ARHGAP28: variants seen among roughly 807,000 people sequenced by gnomAD.
ARHGAP28 encodes rho GTPase-activating protein 28.
Under a neutral mutation model 90.7 loss-of-function variants are expected in ARHGAP28, and 56 were observed. The observed-to-expected ratio is 0.62, with a 90% CI of 0.50 to 0.77. ARHGAP28 has a LOEUF of 0.77. Among genes scored for constraint, ARHGAP28 ranks in the 30% least tolerant of loss-of-function variants. The pLI is 0.00. For missense variants in ARHGAP28, 869 were observed against 900.9 expected (o/e 0.96, Z 0.45); for synonymous variants, 308 against 323.3 (o/e 0.95, Z 0.51).
At chr18:6,757,079 C>T (rs1416611041) in intron 1 of ARHGAP28, among the ~76,000 whole-genome samples, 4 of 152,174 alleles carry the variant, frequency 2.6e-5, no homozygotes, top group African/African-American at 4.8e-5. Context: ...TTAATATTAA[C>T]CATCACACTT....
At position 6,893,867 on chromosome 18, in the gene ARHGAP28, GTTTTTTTTT is replaced by G. The variant is rs5822929; in HGVS notation, c.1849-959_1849-951del. 6.9e-5 allele frequency among the ~76,000 whole-genome samples: 9 copies of G among 130,814 alleles called. No individual in the cohort carries two copies. In the South Asian group the frequency reaches 2.0e-3, roughly 29 times the overall value. 85.8% of individuals were successfully genotyped at this position (130,814 alleles called of 152,430 possible). A position where few individuals can be genotyped will look rare whatever the true frequency, so the allele number is the denominator to read the frequency against. ...TACTATTGTACTATATTGCTTTTTGGTTTTTTTTTTTTTTTTTGAGATAGAGTCTTGCTC... is the reference window on the plus strand; with the variant it reads ...TACTATTGTACTATATTGCTTTTTGGTTTTTTTTGAGATAGAGTCTTGCTC... On this transcript the variant is annotated intron_variant, in intron 14 of 17. Coordinates refer to ENST00000383472, the MANE Select transcript of ARHGAP28 (RefSeq NM_001366230.1).
intron 1 of ARHGAP28, among the ~76,000 whole-genome samples, chr18:6,802,323 C>T (rs2056487824): frequency 7.6e-6 from 1 of 132,020 alleles, no homozygotes; most frequent in African/African-American, 2.8e-5. Context: ...TCATATGGAT[C>T]ATATGGTAGT....
At chr18:6,889,355 G>A (rs956582431) in intron 12 of ARHGAP28, among the ~76,000 whole-genome samples, 2 of 152,088 alleles carry the variant, frequency 1.3e-5, no homozygotes, top group African/African-American at 2.4e-5. Flanking sequence ...TAGAAAAATA[G>A]CACCCAAAAA....
At chr18:6,803,889 C>T (rs1258096239) in intron 1 of ARHGAP28, among the ~76,000 whole-genome samples, 1 of 152,116 alleles carries the variant, frequency 6.6e-6, no homozygotes, top group Non-Finnish European at 1.5e-5. Context: ...CGCCATTCTC[C>T]TGCCTCAGCC....
intron 1 of ARHGAP28, chr18:6,788,774 T>C (rs2143539013): frequency 6.6e-6 from 1 of 152,340 alleles, no homozygotes; most frequent in African/African-American, 2.4e-5. Flanking sequence ...CAGGCATTTC[T>C]TTATAGCAAT....
Position 6,899,062 on chromosome 18 carries a change from A to C in ARHGAP28, c.2030+2436A>C, listed in dbSNP as rs563881295. On this transcript the variant is annotated intron_variant, in intron 16 of 17. Transcript: ENST00000383472. ...AAACTTTTAAAATAATAATAATTAC[A>C]AAAAAATCTTGCCCTATCCATTCTC... Among the ~76,000 whole-genome samples, 71 of 152,278 alleles carry C rather than the reference A, an allele frequency of 4.7e-4. 1 individual carries two copies. The highest frequency in any genetic ancestry group is 1.7e-3 in the African/African-American group (69 of 41,564).
chr18:6,772,742 A>AT lies in ARHGAP28; in HGVS notation c.122+42808dup, dbSNP rs200986632. On this transcript the variant is annotated intron_variant, in intron 1 of 17. Coordinates refer to ENST00000383472, the MANE Select transcript of ARHGAP28 (RefSeq NM_001366230.1). ...TGGGTTTTATTTTTTTTTATTTTTT[A>AT]TTTTTTTTTGAGACGGAGTTTCGCT... 2.4e-4 allele frequency among the ~76,000 whole-genome samples: 35 copies of AT among 148,898 alleles called. 2 individuals carry two copies. The highest frequency in any genetic ancestry group is 3.4e-3 in the Middle Eastern group (1 of 290).
At position 6,882,237 on chromosome 18, in the gene ARHGAP28, G is replaced by C. The variant is rs768170234; in HGVS notation, c.1391G>C (p.Arg464Thr). Residue 464 changes from arginine (R) to threonine (T), a missense_variant, in exon 11 of 18, where the codon AGA (arginine) becomes ACA (threonine). Arg to Thr is a moderately conservative substitution (Grantham distance 71). Coordinates refer to ENST00000383472, the MANE Select transcript of ARHGAP28 (RefSeq NM_001366230.1). ...EAAVMLKAFF[R>T]ELPTSLFPVE... Reference sequence around the variant, plus strand: ...GCAGTAATGTTGAAAGCGTTTTTCAGAGAACTACCCACCTCTCTCTTCCCT... The same window carrying C: ...GCAGTAATGTTGAAAGCGTTTTTCACAGAACTACCCACCTCTCTCTTCCCT... 1.1e-5 allele frequency: 17 copies of C among 1,613,952 alleles called. 1 individual carries two copies. Among genetic ancestry groups the C allele is most frequent in the Admixed American group, 1.0e-4 (6 of 59,996 alleles).
chr18:6,857,640 C>A (rs558590076), intron 4 of ARHGAP28, among the ~76,000 whole-genome samples: 2 of 152,286 alleles, frequency 1.3e-5, no homozygotes, highest in South Asian at 2.1e-4. Context: ...GCCCCTCCCC[C>A]AGTCCCGTCT....
chr18:6,810,181 A>T (rs1201445043), intron 1 of ARHGAP28, among the ~76,000 whole-genome samples: 1 of 152,142 alleles, frequency 6.6e-6, no homozygotes, highest in Non-Finnish European at 1.5e-5. Flanking sequence ...ATTTTTTATG[A>T]GATACCAGTA....
At position 6,850,692 on chromosome 18, in the gene ARHGAP28, C is replaced by G. The variant is rs1405807344; in HGVS notation, c.544-342C>G. The G allele has an allele frequency of 1.8e-5, 14 of 797,868 alleles. No homozygotes were observed. The East Asian group carries it at 3.6e-4, about 20-fold the overall frequency. The allele number at this position is 797,868 out of a possible 1,614,324, so 49.4% of individuals were successfully genotyped here. On this transcript the variant is annotated intron_variant, in intron 3 of 17. Transcript: ENST00000383472. ...ACATTCATATCTTACTGGATGGAACCATCACATGATCACACTCAGTCTTTT... is the reference window on the plus strand; with the variant it reads ...ACATTCATATCTTACTGGATGGAACGATCACATGATCACACTCAGTCTTTT...
At chr18:6,840,422 C>A (rs1436699627) in intron 3 of ARHGAP28, among the ~76,000 whole-genome samples, 3 of 152,182 alleles carry the variant, frequency 2.0e-5, no homozygotes, top group Admixed American at 6.5e-5. Flanking sequence ...AGACTTTGGA[C>A]TTCTAGTAAT....
chr18:6,829,047 T>A lies in ARHGAP28; in HGVS notation c.325+4083T>A, dbSNP rs145645049. Among the ~76,000 whole-genome samples, 344 of 152,336 alleles carry A rather than the reference T, an allele frequency of 2.3e-3. 2 individuals carry two copies. The highest frequency in any genetic ancestry group is 3.7e-3 in the Non-Finnish European group (255 of 68,034). On this transcript the variant is annotated intron_variant, in intron 2 of 17. Transcript: ENST00000383472. Reference sequence around the variant, plus strand: ...AGATGTACCACAATTAACATACATCTGATATTATTTGAAATAAAACGCCCC... The same window carrying A: ...AGATGTACCACAATTAACATACATCAGATATTATTTGAAATAAAACGCCCC...
intron 2 of ARHGAP28, 25 bp from the exon 3 acceptor site, chr18:6,837,172 C>G (rs2056760213): frequency 6.6e-7 from 1 of 1,511,548 alleles, no homozygotes; most frequent in South Asian, 1.2e-5. Flanking sequence ...TATTCTAACC[C>G]TCTCTTGGTA....
intron 1 of ARHGAP28, among the ~76,000 whole-genome samples, chr18:6,820,366 A>G (rs1567958128): frequency 1.3e-5 from 2 of 152,240 alleles, no homozygotes; most frequent in East Asian, 3.8e-4. Context: ...GTTTTAACTG[A>G]AGCAGAGAGA....
At chr18:6,810,491 C>T (rs2056548696) in intron 1 of ARHGAP28, among the ~76,000 whole-genome samples, 6 of 151,668 alleles carry the variant, frequency 4.0e-5, no homozygotes, top group Admixed American at 3.9e-4. Context: ...CACAGGGTTT[C>T]ACCATGTTGC....
chr18:6,911,546 C>T (rs12456659), intron 17 of ARHGAP28, among the ~76,000 whole-genome samples: 33,206 of 151,964 alleles, frequency 0.22, 4,180 homozygotes, highest in Non-Finnish European at 0.29. Context: ...AGTGATTCTC[C>T]TGCCTCAGCC....
intron 1 of ARHGAP28, among the ~76,000 whole-genome samples, chr18:6,791,950 C>G (rs567370994): frequency 1.3e-4 from 20 of 152,154 alleles, no homozygotes; most frequent in African/African-American, 4.6e-4. Flanking sequence ...AGGCACCCAC[C>G]ACCATGCCCG....
chr18:6,834,526 G>A (rs1475659722), intron 2 of ARHGAP28: 2 of 152,178 alleles, frequency 1.3e-5, no homozygotes, highest in Admixed American at 1.3e-4. Context: ...TATGGTATAA[G>A]CATGTCCAGA....
Sources: gnomAD v4.1 joint callset for allele counts (sites outside exome capture counted in the v4.1 genomes callset) on GRCh38, gnomAD v4.1.1 for gene constraint, MANE v1.5 for transcripts, NCBI Gene and HGNC (gene_info 2026-07-23, HGNC 2026-07-21) for gene names.